The following MED13 variants were observed in gnomAD, a reference collection of about 807,000 sequenced individuals.
MED13 encodes mediator complex subunit 13.
A neutral mutation model predicts 225.2 loss-of-function variants in MED13; 23 were observed. That is an observed-to-expected ratio of 0.10 (90% CI 0.07 to 0.14). MED13 has a LOEUF of 0.14. MED13 is among the 10% of genes least tolerant of loss of function. MED13 has a pLI of 1.00. For synonymous variants in MED13, 942 were observed against 889.2 expected, an observed-to-expected ratio of 1.06 and a Z score of -1.06; for missense variants, 2,197 against 2,594.5, an observed-to-expected ratio of 0.85 and a Z score of 3.33.
At chr17:61,976,004 G>A (rs926232021) in intron 16 of MED13, among the ~76,000 whole-genome samples, 7 of 151,994 alleles carry the variant, frequency 4.6e-5, no homozygotes, top group South Asian at 2.1e-4. Flanking sequence ...CAACAAGAGC[G>A]AGACTCCGTC....
At chr17:62,062,606 A>ACACACACAC (rs2081049365) in intron 2 of MED13, among the ~76,000 whole-genome samples, 1 of 84,218 alleles carries the variant, frequency 1.2e-5, no homozygotes, top group African/African-American at 7.3e-5. Flanking sequence ...CACACCACAC[A>ACACACACAC]CACACACACA....
intron 2 of MED13, among the ~76,000 whole-genome samples, chr17:62,060,015 G>A: frequency 6.6e-6 from 1 of 152,120 alleles, no homozygotes; most frequent in East Asian, 1.9e-4. Context: ...TTTACGGCCA[G>A]GTGCAGTGAC....
chr17:61,987,720 A>C (rs1275784971), intron 11 of MED13, among the ~76,000 whole-genome samples: 2 of 152,118 alleles, frequency 1.3e-5, no homozygotes, highest in African/African-American at 2.4e-5. Flanking sequence ...TATTAGAAAA[A>C]CAATTAAATA....
At chr17:62,002,786 T>A (rs1241270251) in intron 9 of MED13, among the ~76,000 whole-genome samples, 1 of 152,260 alleles carries the variant, frequency 6.6e-6, no homozygotes, top group Non-Finnish European at 1.5e-5. Flanking sequence ...TGAAATAGTA[T>A]GGGGAATCTC....
chr17:61,980,343 T>C (rs1156358070), intron 16 of MED13, among the ~76,000 whole-genome samples: 1 of 152,176 alleles, frequency 6.6e-6, no homozygotes, highest in Non-Finnish European at 1.5e-5. Context: ...CTACTCTATC[T>C]ACAATTACTC....
chr17:62,057,809 T>C (rs1376383660), intron 2 of MED13, among the ~76,000 whole-genome samples: 6 of 152,184 alleles, frequency 3.9e-5, no homozygotes, highest in Admixed American at 1.3e-4. Context: ...AAAGAACAAA[T>C]ATTTTTAGCC....
chr17:62,032,825 G>C (rs1001063350), intron 5 of MED13, among the ~76,000 whole-genome samples: 1 of 152,162 alleles, frequency 6.6e-6, no homozygotes, highest in African/African-American at 2.4e-5. Context: ...TGAATGAGAG[G>C]ACATAGAGAA....
intron 12 of MED13, among the ~76,000 whole-genome samples, 173 bp downstream of exon 12, chr17:61,986,834 A>C (rs1014075261): frequency 4.6e-5 from 7 of 152,260 alleles, no homozygotes; most frequent in African/African-American, 1.7e-4. Context: ...CACTATGGCA[A>C]GACTACTCAA....
chr17:62,013,251 T>C (rs1407114690), intron 8 of MED13, among the ~76,000 whole-genome samples: 3 of 152,174 alleles, frequency 2.0e-5, no homozygotes, highest in Non-Finnish European at 4.4e-5. Flanking sequence ...AAGAAAACCA[T>C]AGACCATTAT....
chr17:62,046,839 A>G (rs1213780114), intron 3 of MED13, among the ~76,000 whole-genome samples: 2 of 149,568 alleles, frequency 1.3e-5, no homozygotes, highest in Non-Finnish European at 3.0e-5. Flanking sequence ...CCTTATCTCA[A>G]AAAAAAAAAG....
In MED13 at chr17:61,955,855, T is replaced by TAAAAAAAAAAAAAAAAAAAAA; in HGVS notation, c.5624-38_5624-18dup. On this transcript the variant is annotated splice_polypyrimidine_tract_variant and intron_variant, in intron 24 of 29. Transcript: ENST00000397786. ...AGCTCCAATCTGTGGGTATCAACAGTAAAAAAAAAAAAAAAAAAAAAAAAA... is the reference window on the plus strand; with the variant it reads ...AGCTCCAATCTGTGGGTATCAACAGTAAAAAAAAAAAAAAAAAAAAAAAAAAAAAAAAAAAAAAAAAAAAAA... The TAAAAAAAAAAAAAAAAAAAAA allele has an allele frequency of 1.2e-6, 1 of 814,374 alleles. No homozygotes were observed. The highest frequency in any genetic ancestry group is 1.4e-6 in the Non-Finnish European group (1 of 696,976). The allele number at this position is 814,374 out of a possible 1,614,324, so 50.4% of individuals were successfully genotyped here.
At chr17:62,038,131 A>G (rs563580598) in intron 3 of MED13, among the ~76,000 whole-genome samples, 5 of 152,244 alleles carry the variant, frequency 3.3e-5, no homozygotes, top group South Asian at 2.1e-4. Context: ...ACAGCCAGTC[A>G]TGCCTGTTAT....
At chr17:62,034,059 G>A in intron 4 of MED13, 75 bp from the exon 5 acceptor site, 1 of 1,268,500 alleles carries the variant, frequency 7.9e-7, no homozygotes. Flanking sequence ...GAAAAATGTG[G>A]CAAATAATCG....
intron 23 of MED13, among the ~76,000 whole-genome samples, chr17:61,959,004 CTTT>C (rs969211367): frequency 6.8e-6 from 1 of 146,156 alleles, no homozygotes; most frequent in East Asian, 2.0e-4. Flanking sequence ...CACTGCCCCT[CTTT>C]TTTTTTTTTC....
chr17:62,010,828 C>T lies in MED13; in HGVS notation c.1689G>A (p.Met563Ile). ...STPQSQHFYQ[M>I]PTPDPLVPSK... ...AAGGAACCAAGGGATCTGGTGTTGG[C>T]ATTTGATAAAAATGTTGACTCTGAG... The change falls in exon 9 of 30, where the codon ATG (methionine) becomes ATA (isoleucine). Residue 563 changes from methionine to isoleucine, a missense_variant. By Grantham distance (10) the Met-to-Ile change is conservative. This residue lies in a region of MED13 where 884 missense variants were observed against 918.5 expected (regional missense o/e 0.96). Coordinates refer to ENST00000397786, the MANE Select transcript of MED13 (RefSeq NM_005121.3). The T allele has an allele frequency of 6.2e-7, 1 of 1,614,184 alleles. No individual in the cohort carries two copies. The highest frequency in any genetic ancestry group is 1.1e-5 in the South Asian group (1 of 91,082).
At chr17:61,981,479 A>G (rs1193182663) in intron 16 of MED13, among the ~76,000 whole-genome samples, 1 of 150,644 alleles carries the variant, frequency 6.6e-6, no homozygotes, top group South Asian at 2.1e-4. Flanking sequence ...CCTAAATTTC[A>G]TCTCCTTCCA....
rs1450365607 is a variant in MED13 at position 61,992,585 on chromosome 17, G to C, written c.2218C>G (p.His740Asp). 2.5e-6 allele frequency: 4 copies of C among 1,611,836 alleles called. No individual in the cohort carries two copies. Among genetic ancestry groups the C allele is most frequent in the Non-Finnish European group, 3.4e-6 (4 of 1,178,226 alleles). Residue 740 changes from histidine (H) to aspartate (D), a missense_variant, in exon 11 of 30, where the codon CAT (histidine) becomes GAT (aspartate). Coordinates refer to ENST00000397786, the MANE Select transcript of MED13 (RefSeq NM_005121.3). ...AATAATGACATAGCATCTTCTTCAT[G>C]TGATAACACTGTTACACTAGATGTC... ...DGTSSVTVLSHEEDAMSLFSP... is the reference protein window; with the variant it reads ...DGTSSVTVLSDEEDAMSLFSP...
chr17:62,062,770 T>C (rs989147598), intron 2 of MED13, among the ~76,000 whole-genome samples: 5 of 152,178 alleles, frequency 3.3e-5, no homozygotes, highest in African/African-American at 1.2e-4. Context: ...TGTTTCCTGA[T>C]TCCATTTTTT....
In MED13 at chr17:61,982,570, C is replaced by T; in HGVS notation, c.3433G>A (p.Glu1145Lys). 1.2e-6 allele frequency: 2 copies of T among 1,614,146 alleles called. No homozygotes were observed. The highest frequency in any genetic ancestry group is 1.7e-6 in the Non-Finnish European group (2 of 1,180,018). The stretch of plus-strand genomic sequence containing the variant: ...GTATTGCGTCCTATGATATCTAGTT[C>T]ATCTTCAAGAAATAATCCTGAATTG... ...GNNSGLFLED[E>K]LDIIGRNTDC... Residue 1145 changes from glutamate to lysine, a missense_variant, in exon 16 of 30, where the codon GAA becomes AAA. Glu to Lys is a moderately conservative substitution (Grantham distance 56). Around this residue, in one of 12 missense-constraint regions of MED13, gnomAD observed 203 missense variants for 209.7 expected, o/e 0.97. Transcript: ENST00000397786.
Sources: allele counts gnomAD v4.1 joint callset (sites outside exome capture counted in the v4.1 genomes callset), GRCh38; gene constraint gnomAD v4.1.1; regional missense constraint gnomAD v4.1.1; transcripts MANE v1.5; gene names NCBI Gene and HGNC (gene_info 2026-07-23, HGNC 2026-07-21).